MCTP1: variants seen among roughly 807,000 people sequenced by gnomAD.
MCTP1 encodes multiple C2 and transmembrane domain containing 1.
A neutral mutation model predicts 120.6 loss-of-function variants in MCTP1; 69 were observed. The observed-to-expected ratio is 0.57, with a 90% confidence interval of 0.47 to 0.70. The LOEUF is 0.70. Among genes scored for constraint, MCTP1 ranks in the 30% least tolerant of loss-of-function variants. The pLI is 0.00. For missense variants in MCTP1, 1,203 were observed against 1,248.8 expected, an observed-to-expected ratio of 0.96 and a Z score of 0.55; for synonymous variants, 529 against 493.1, an observed-to-expected ratio of 1.07 and a Z score of -0.96.
At chr5:94,793,783 G>A (rs991504942) in intron 18 of MCTP1, among the ~76,000 whole-genome samples, 1 of 152,202 alleles carries the variant, frequency 6.6e-6, no homozygotes, top group Non-Finnish European at 1.5e-5. Context: ...AACACTGGCT[G>A]ACAAAATAAT....
intron 10 of MCTP1, among the ~76,000 whole-genome samples, chr5:94,900,974 T>C (rs1450957992): frequency 1.3e-5 from 2 of 152,184 alleles, no homozygotes; most frequent in Non-Finnish European, 2.9e-5. Flanking sequence ...ATTTGAAAAT[T>C]CAAGTGATCT....
intron 20 of MCTP1, among the ~76,000 whole-genome samples, chr5:94,713,495 G>A (rs1757850355): frequency 6.6e-6 from 1 of 152,104 alleles, no homozygotes; most frequent in African/African-American, 2.4e-5. Flanking sequence ...TAAATGAGAT[G>A]TTTCTGTCAG....
chr5:94,858,980 T>A (rs1009358738), intron 17 of MCTP1, among the ~76,000 whole-genome samples: 1 of 151,712 alleles, frequency 6.6e-6, no homozygotes, highest in Non-Finnish European at 1.5e-5. Context: ...TCTATGACAT[T>A]CCCACTGTGG....
intron 2 of MCTP1, among the ~76,000 whole-genome samples, chr5:94,990,058 AC>A (rs1472636454): frequency 6.6e-6 from 1 of 152,138 alleles, no homozygotes; most frequent in Non-Finnish European, 1.5e-5. Context: ...GAATTACTGA[AC>A]CCAAAAAGGG....
Position 94,894,838 on chromosome 5 carries a change from A to G in MCTP1, c.1653-3T>C. The G allele has an allele frequency of 6.5e-7, 1 of 1,534,500 alleles. No individual in the cohort carries two copies. The highest frequency in any genetic ancestry group is 8.8e-7 in the Non-Finnish European group (1 of 1,133,748). ...GGGCTGACAGGTCGACCTGGCACCT[A>G]GAGACAAATGTTTTGAATCAGCAAG... On this transcript the variant is annotated splice_region_variant and splice_polypyrimidine_tract_variant and intron_variant, in intron 10 of 22. Transcript: ENST00000515393.
At chr5:94,976,230 T>C (rs1828065985) in intron 2 of MCTP1, among the ~76,000 whole-genome samples, 1 of 152,108 alleles carries the variant, frequency 6.6e-6, no homozygotes, top group African/African-American at 2.4e-5. Flanking sequence ...TCACTGTAAT[T>C]CCTAAAAATG....
intron 2 of MCTP1, among the ~76,000 whole-genome samples, chr5:95,003,430 G>A (rs1370669716): frequency 6.6e-6 from 1 of 152,156 alleles, no homozygotes; most frequent in African/African-American, 2.4e-5. Context: ...ATTTCAGTTT[G>A]TGTAAGTACA....
intron 2 of MCTP1, among the ~76,000 whole-genome samples, chr5:95,009,056 AAGAGAGAGAGAGAG>A (rs201724037): frequency 0.058 from 7,492 of 129,332 alleles, 233 homozygotes; most frequent in Middle Eastern, 0.082. Flanking sequence ...GAGAGGGAGA[AAGAGAGAGAGAGAG>A]AGAGAGAGAG....
chr5:94,707,765 G>C (rs754680858), intron 22 of MCTP1, among the ~76,000 whole-genome samples, 198 bp from the exon 23 acceptor site: 21 of 151,780 alleles, frequency 1.4e-4, no homozygotes, highest in Non-Finnish European at 2.1e-4. Context: ...AAGTACATGG[G>C]GCCCTGATGT....
In MCTP1 at chr5:94,704,883, G is replaced by C. The variant is rs184700560; in HGVS notation, c.*2613C>G. ...GTTGGGAGATTCAATCAATCAATCA[G>C]TTTGAGTCTGGAACAGTACCAGAAT... On this transcript the variant is annotated 3_prime_UTR_variant, in exon 23 of 23. Transcript: ENST00000515393. 11 of 151,162 alleles carry C rather than the reference G, an allele frequency of 7.3e-5. No individual in the cohort carries two copies. The highest frequency in any genetic ancestry group is 2.0e-4 in the Admixed American group (3 of 15,168). The allele number at this position is 151,162 out of a possible 1,614,324, so 9.4% of individuals were successfully genotyped here.
intron 17 of MCTP1, among the ~76,000 whole-genome samples, chr5:94,813,736 A>G (rs1017434293): frequency 1.3e-5 from 2 of 152,152 alleles, no homozygotes; most frequent in Non-Finnish European, 2.9e-5. Context: ...AAAATTTTAA[A>G]AATTAGCTGG....
At chr5:94,849,947 A>G (rs1328627615) in intron 17 of MCTP1, among the ~76,000 whole-genome samples, 1 of 152,190 alleles carries the variant, frequency 6.6e-6, no homozygotes, top group Admixed American at 6.5e-5. Flanking sequence ...TTTGGCTTTT[A>G]ATTATTCTTC....
At chr5:94,797,150 T>C (rs757564730) in intron 18 of MCTP1, among the ~76,000 whole-genome samples, 19 of 152,230 alleles carry the variant, frequency 1.2e-4, no homozygotes, top group Non-Finnish European at 1.8e-4. Flanking sequence ...AAAGGATACA[T>C]TATATATTAT....
At chr5:94,848,565 A>G (rs1792993962) in intron 17 of MCTP1, among the ~76,000 whole-genome samples, 1 of 152,276 alleles carries the variant, frequency 6.6e-6, no homozygotes, top group African/African-American at 2.4e-5. Context: ...CACAGGTATT[A>G]TAAGAAGTAG....
intron 1 of MCTP1, among the ~76,000 whole-genome samples, chr5:95,042,409 C>T (rs1384493587): frequency 1.3e-5 from 2 of 152,110 alleles, no homozygotes; most frequent in East Asian, 3.9e-4. Flanking sequence ...AAGTTATTGT[C>T]TTTTTGTCAT....
chr5:95,208,182 G>A (rs10069919), intron 1 of MCTP1, among the ~76,000 whole-genome samples: 25,284 of 151,972 alleles, frequency 0.17, 2,474 homozygotes, highest in Non-Finnish European at 0.22. Context: ...CTCCACCTCC[G>A]GGGTTCAAGC....
chr5:95,118,503 A>C (rs991111751), intron 1 of MCTP1, among the ~76,000 whole-genome samples: 3 of 152,202 alleles, frequency 2.0e-5, no homozygotes, highest in Non-Finnish European at 4.4e-5. Context: ...ACAGAAAACA[A>C]GTGACAAAAT....
chr5:95,152,009 C>G (rs1760936799), intron 1 of MCTP1, among the ~76,000 whole-genome samples: 2 of 152,216 alleles, frequency 1.3e-5, no homozygotes, highest in Non-Finnish European at 2.9e-5. Flanking sequence ...AAAGATAATA[C>G]TTTGCCATCT....
At chr5:94,927,294 G>T (rs1398430858) in intron 6 of MCTP1, among the ~76,000 whole-genome samples, 1 of 152,084 alleles carries the variant, frequency 6.6e-6, no homozygotes, top group Non-Finnish European at 1.5e-5. Context: ...TTTACCATTT[G>T]TTCATTGTTG....
Sources: allele counts gnomAD v4.1 joint callset (sites outside exome capture counted in the v4.1 genomes callset), GRCh38; gene constraint gnomAD v4.1.1; transcripts MANE v1.5; gene names NCBI Gene and HGNC (gene_info 2026-07-23, HGNC 2026-07-21).